KCNMA1: variants seen among roughly 807,000 people sequenced by gnomAD.
KCNMA1 encodes Calcium-activated potassium channel subunit alpha-1.
A neutral mutation model predicts 140.0 loss-of-function variants in KCNMA1; 29 were observed. The observed-to-expected ratio is 0.21, with a 90% CI of 0.15 to 0.28. The LOEUF is 0.28. Among genes scored for constraint, KCNMA1 ranks in the 10% least tolerant of loss-of-function variants. The probability of loss-of-function intolerance (pLI) is 1.00; values close to 1 mark genes in which losing one functional copy is unlikely to be tolerated. For missense variants in KCNMA1, 880 were observed against 1,602.2 expected (o/e 0.55, Z 7.70); for synonymous variants, 612 against 611.9 (o/e 1.00, Z 0.00).
intron 3 of KCNMA1, among the ~76,000 whole-genome samples, chr10:77,231,854 T>C (rs1294653194): frequency 6.6e-6 from 1 of 152,222 alleles, no homozygotes; most frequent in East Asian, 1.9e-4. Context: ...AATTCACCCA[T>C]TTGAGGTTTA....
intron 2 of KCNMA1, among the ~76,000 whole-genome samples, chr10:77,254,663 A>G (rs1352618361): frequency 6.6e-6 from 1 of 152,224 alleles, no homozygotes; most frequent in East Asian, 1.9e-4. Flanking sequence ...CTGGGTAAAG[A>G]TAGAAAAAGT....
downstream of KCNMA1, chr10:76,884,847 T>C: frequency 8.0e-7 from 1 of 1,251,982 alleles, no homozygotes; most frequent in Non-Finnish European, 1.1e-6. Flanking sequence ...CAGAACAATA[T>C]AAATAAAAAT....
chr10:76,899,252 G>A (rs1295422397), intron 25 of KCNMA1, among the ~76,000 whole-genome samples: 1 of 152,074 alleles, frequency 6.6e-6, no homozygotes, highest in Non-Finnish European at 1.5e-5. Context: ...TTGCAGATTT[G>A]AATTGGACTT....
intron 2 of KCNMA1, among the ~76,000 whole-genome samples, chr10:77,301,671 G>C (rs1209198966): frequency 6.6e-6 from 1 of 151,910 alleles, no homozygotes; most frequent in Non-Finnish European, 1.5e-5. Flanking sequence ...GAGAATTAGT[G>C]AGTTGGCTTC....
chr10:77,060,505 A>T (rs9943331), intron 14 of KCNMA1, among the ~76,000 whole-genome samples: 2,587 of 152,164 alleles, frequency 0.017, 75 homozygotes, highest in African/African-American at 0.058. Context: ...AGTTTCACAG[A>T]TCCAAAAATG....
At chr10:76,888,351 C>T (rs1038393573) in intron 27 of KCNMA1, 56 of 152,302 alleles carry the variant, frequency 3.7e-4, no homozygotes, top group African/African-American at 1.3e-3. Flanking sequence ...TCTGGCTATA[C>T]ACTATAATCC....
intron 1 of KCNMA1, among the ~76,000 whole-genome samples, chr10:77,465,101 T>G (rs556852930): frequency 6.6e-6 from 1 of 152,328 alleles, no homozygotes. Flanking sequence ...TATTAAGTTC[T>G]GAGACGGCCA....
At chr10:77,428,417 C>T (rs974115784) in intron 1 of KCNMA1, among the ~76,000 whole-genome samples, 3 of 152,132 alleles carry the variant, frequency 2.0e-5, no homozygotes, top group African/African-American at 7.2e-5. Flanking sequence ...GAAGAGCAAG[C>T]AGAAAATGGA....
intron 2 of KCNMA1, among the ~76,000 whole-genome samples, chr10:77,351,384 A>C (rs142486311): frequency 5.2e-4 from 79 of 152,278 alleles, no homozygotes; most frequent in African/African-American, 1.9e-3. Flanking sequence ...TTCTATAGAT[A>C]TTCTCTGCCA....
chr10:77,225,965 C>T (rs770978357), intron 3 of KCNMA1, among the ~76,000 whole-genome samples: 22 of 152,180 alleles, frequency 1.4e-4, no homozygotes, highest in Non-Finnish European at 2.9e-4. Context: ...CGTCAATGCC[C>T]TGGGGGCCCC....
At chr10:77,200,623 C>A (rs565377516) in intron 3 of KCNMA1, among the ~76,000 whole-genome samples, 1 of 149,168 alleles carries the variant, frequency 6.7e-6, no homozygotes, top group South Asian at 2.1e-4. Flanking sequence ...AATGACAGCA[C>A]ATGTCTCTTA....
chr10:77,370,206 A>C (rs780447162), intron 2 of KCNMA1, among the ~76,000 whole-genome samples: 1 of 152,228 alleles, frequency 6.6e-6, no homozygotes, highest in Non-Finnish European at 1.5e-5. Flanking sequence ...CAGGCTAAAA[A>C]TAGATTCAAC....
intron 17 of KCNMA1, chr10:77,012,416 A>G (rs2091015585): frequency 9.7e-6 from 15 of 1,546,516 alleles, no homozygotes; most frequent in Non-Finnish European, 1.3e-5. Flanking sequence ...AGTTAAATAC[A>G]ACACCAAAAT....
In KCNMA1 at chr10:77,048,764, C is replaced by G. The variant is rs916681636; in HGVS notation, c.1750-9127G>C. Among the ~76,000 whole-genome samples the G allele has an allele frequency of 3.9e-5, 6 of 151,992 alleles. No homozygotes were observed. The South Asian group carries it at 6.2e-4, about 16-fold the overall frequency. ...GTAAATCTCCAAGAGGAGAACATGACTTTTTTGTTTTTTTGAGATGGAGTC... is the reference window on the plus strand; with the variant it reads ...GTAAATCTCCAAGAGGAGAACATGAGTTTTTTGTTTTTTTGAGATGGAGTC... On this transcript the variant is annotated intron_variant, in intron 14 of 27. Coordinates refer to ENST00000286628, the MANE Select transcript of KCNMA1 (RefSeq NM_001161352.2).
intron 1 of KCNMA1, among the ~76,000 whole-genome samples, chr10:77,516,692 A>G (rs1177860420): frequency 1.3e-5 from 2 of 152,274 alleles, no homozygotes; most frequent in African/African-American, 4.8e-5. Flanking sequence ...GAGCACCTGC[A>G]GAACTTTCCA....
rs557363862 is a variant in KCNMA1 at position 77,365,835 on chromosome 10, A to G, written c.540+38027T>C. ...TCTGGCACTTTGGTGGGCCCTACTTAGAAACCATCTTCCTCCTTGATCCTT... is the reference window on the plus strand; with the variant it reads ...TCTGGCACTTTGGTGGGCCCTACTTGGAAACCATCTTCCTCCTTGATCCTT... On this transcript the variant is annotated intron_variant, in intron 2 of 27. Transcript: ENST00000286628. Among the ~76,000 whole-genome samples the G allele has an allele frequency of 2.0e-5, 3 of 152,314 alleles. No individual in the cohort carries two copies. The South Asian group carries it at 6.2e-4, about 32-fold the overall frequency.
At chr10:77,061,661 A>C (rs1364624724) in intron 14 of KCNMA1, among the ~76,000 whole-genome samples, 1 of 152,326 alleles carries the variant, frequency 6.6e-6, no homozygotes, top group Admixed American at 6.5e-5. Flanking sequence ...CGAGATACTT[A>C]CCCTAGAGAA....
chr10:76,960,618 G>GT (rs55685324), intron 20 of KCNMA1, among the ~76,000 whole-genome samples: 2,268 of 59,396 alleles, frequency 0.038, 140 homozygotes, highest in African/African-American at 0.056. Context: ...TTATGGTTTT[G>GT]TTTTTTTTTT....
At chr10:77,128,418 A>G (rs1369398999) in intron 5 of KCNMA1, among the ~76,000 whole-genome samples, 2 of 98,780 alleles carry the variant, frequency 2.0e-5, no homozygotes, top group East Asian at 6.0e-4. Flanking sequence ...TTTTTACTGC[A>G]TCTATTTTTT....
Sources: gnomAD v4.1 joint callset for allele counts (sites outside exome capture counted in the v4.1 genomes callset) on GRCh38, gnomAD v4.1.1 for gene constraint, MANE v1.5 for transcripts, NCBI Gene and HGNC (gene_info 2026-07-23, HGNC 2026-07-21) for gene names.